C12orf42: variants seen among roughly 807,000 people sequenced by gnomAD.
C12orf42 encodes uncharacterized protein C12orf42.
Under a neutral mutation model 21.6 loss-of-function variants are expected in C12orf42, and 25 were observed. The observed-to-expected ratio is 1.16, with a 90% CI of 0.84 to 1.62. The LOEUF (loss-of-function observed/expected upper bound fraction) is 1.62. C12orf42 is among the 40% of genes most tolerant of loss of function. The pLI is 0.00. For synonymous variants in C12orf42, 174 were observed against 175.0 expected (o/e 0.99, Z 0.05); for missense variants, 483 against 459.3 (o/e 1.05, Z -0.47).
intron 5 of C12orf42, 136 bp from the exon 6 acceptor site, chr12:103,302,695 A>AAAC (rs1371065412): frequency 2.9e-6 from 2 of 689,254 alleles, no homozygotes; most frequent in Non-Finnish European, 4.5e-6. Context: ...AAAAAAAAAA[A>AAAC]CCCTGACATG....
At chr12:103,356,072 A>T (rs2043518767) in intron 4 of C12orf42, among the ~76,000 whole-genome samples, 1 of 152,100 alleles carries the variant, frequency 6.6e-6, no homozygotes, top group Admixed American at 6.6e-5. Context: ...TAGGAATTCA[A>T]ACTTAAAAGT....
At chr12:103,209,851 A>G in the C12orf42 span, among the ~76,000 whole-genome samples, 6 of 152,152 alleles carry the variant, frequency 3.9e-5, no homozygotes, top group Non-Finnish European at 8.8e-5. Context: ...TGTTTTCTCC[A>G]TGTTGATTTT....
At chr12:103,232,792 GT>G (rs2033343342), downstream of C12orf42, among the ~76,000 whole-genome samples, 2 of 151,932 alleles carry the variant, frequency 1.3e-5, no homozygotes, top group African/African-American at 4.8e-5. Flanking sequence ...TTAGTAAAAG[GT>G]GTAAGGTCTG....
chr12:103,464,100 T>C (rs1161205148), intron 2 of C12orf42, among the ~76,000 whole-genome samples: 2 of 152,292 alleles, frequency 1.3e-5, no homozygotes, highest in East Asian at 3.9e-4. Context: ...AGTAATGAGA[T>C]TGCTGGGTCA....
At chr12:103,529,196 A>G in the C12orf42 span, among the ~76,000 whole-genome samples, 2 of 152,212 alleles carry the variant, frequency 1.3e-5, no homozygotes, top group Non-Finnish European at 2.9e-5. Context: ...AAATCATCAC[A>G]ATGAACAGTA....
At chr12:103,205,829 C>T in the C12orf42 span, among the ~76,000 whole-genome samples, 1 of 152,112 alleles carries the variant, frequency 6.6e-6, no homozygotes, top group Non-Finnish European at 1.5e-5. Context: ...AGTGTTGAAT[C>T]TTAAAAATAC....
At chr12:103,194,284 C>T in the C12orf42 span, among the ~76,000 whole-genome samples, 1 of 152,082 alleles carries the variant, frequency 6.6e-6, no homozygotes, top group South Asian at 2.1e-4. Flanking sequence ...CCCACTCTTG[C>T]ACTTGTATTC....
At chr12:103,191,776 TA>T in the C12orf42 span, among the ~76,000 whole-genome samples, 2 of 145,142 alleles carry the variant, frequency 1.4e-5, no homozygotes. Flanking sequence ...GAAAAGAAAA[TA>T]TTAAGAGCTA....
the C12orf42 span, among the ~76,000 whole-genome samples, chr12:103,139,776 G>A: frequency 6.6e-6 from 1 of 152,148 alleles, no homozygotes; most frequent in African/African-American, 2.4e-5. Flanking sequence ...AGACAATACA[G>A]ACAATGCATA....
chr12:103,268,648 T>C (rs1227201302), exon 7 of C12orf42: 2 of 152,088 alleles, frequency 1.3e-5, no homozygotes, highest in African/African-American at 4.8e-5. Context: ...TTTTCCCCGA[T>C]TCAAAGAGAG....
the C12orf42 span, among the ~76,000 whole-genome samples, chr12:103,514,779 G>A: frequency 6.6e-6 from 1 of 152,090 alleles, no homozygotes. Flanking sequence ...AATCCAAATT[G>A]GCAATTAGAA....
At chr12:103,527,620 G>C in the C12orf42 span, among the ~76,000 whole-genome samples, 2 of 152,096 alleles carry the variant, frequency 1.3e-5, no homozygotes, top group Admixed American at 6.5e-5. Flanking sequence ...GATACAATCA[G>C]TATTTCAGGC....
chr12:103,522,530 T>A, the C12orf42 span, among the ~76,000 whole-genome samples: 1 of 152,198 alleles, frequency 6.6e-6, no homozygotes, highest in Non-Finnish European at 1.5e-5. Flanking sequence ...CCAGCCATCC[T>A]GACACACGTG....
At chr12:103,120,379 T>C in the C12orf42 span, among the ~76,000 whole-genome samples, 1 of 152,022 alleles carries the variant, frequency 6.6e-6, no homozygotes. Flanking sequence ...GCAAAATGAA[T>C]AAACAAAAAG....
intron 2 of C12orf42, among the ~76,000 whole-genome samples, chr12:103,466,285 T>A (rs769470133): frequency 3.9e-5 from 6 of 152,106 alleles, no homozygotes; most frequent in Non-Finnish European, 8.8e-5. Context: ...ATTTTCTACA[T>A]CCTCAAGTCT....
chr12:103,245,046 A>G (rs1183267138), intron 10 of C12orf42, among the ~76,000 whole-genome samples: 1 of 152,114 alleles, frequency 6.6e-6, no homozygotes, highest in Non-Finnish European at 1.5e-5. Context: ...AAGCATCAGG[A>G]ACAAATGTAA....
the C12orf42 span, among the ~76,000 whole-genome samples, chr12:103,153,096 G>A: frequency 1.3e-5 from 2 of 152,200 alleles, no homozygotes; most frequent in Admixed American, 1.3e-4. Context: ...TTCAATAAAT[G>A]GTTCTGTGTC....
chr12:103,302,499 G>C lies in C12orf42; in HGVS notation c.692C>G (p.Ala231Gly). The C allele has an allele frequency of 6.2e-7, 1 of 1,613,382 alleles. No individual in the cohort carries two copies. Among genetic ancestry groups the C allele is most frequent in the African/African-American group, 1.3e-5 (1 of 74,962 alleles). ...GTTACTCGGGCCGGTGCTCTGCAGAGCGCCGGGCGTCTGGCTCCTCCTGCA... is the reference window on the plus strand; with the variant it reads ...GTTACTCGGGCCGGTGCTCTGCAGACCGCCGGGCGTCTGGCTCCTCCTGCA... ...GLCRRSQTPG[A>G]LQSTGPSNTE... is the part of the protein sequence containing the mutation. The change falls in exon 6 of 6, where the codon GCT (alanine) becomes GGT (glycine). Residue 231 changes from alanine (A) to glycine (G), a missense_variant. Physicochemically the swap from Ala to Gly is moderately conservative, Grantham distance 60. Coordinates refer to ENST00000548883, the MANE Select transcript of C12orf42 (RefSeq NM_198521.5).
chr12:103,230,860 C>G, the C12orf42 span, among the ~76,000 whole-genome samples: 1 of 152,024 alleles, frequency 6.6e-6, no homozygotes, highest in Non-Finnish European at 1.5e-5. Context: ...TTATGCTGTT[C>G]TGCTTATAAC....
Sources: allele counts gnomAD v4.1 joint callset (sites outside exome capture counted in the v4.1 genomes callset), GRCh38; gene constraint gnomAD v4.1.1; transcripts MANE v1.5; gene names NCBI Gene and HGNC (gene_info 2026-07-23, HGNC 2026-07-21).